Variants in RIPOR2 observed in about 807,000 individuals in gnomAD.
The protein encoded by RIPOR2 is rho family-interacting cell polarization regulator 2.
Under a neutral mutation model 114.5 loss-of-function variants are expected in RIPOR2, and 39 were observed. The ratio of observed to expected loss-of-function variants is 0.34; its 90% CI spans 0.26 to 0.44. The LOEUF (loss-of-function observed/expected upper bound fraction) is 0.44, where lower values mean the gene tolerates loss of function less well. Among genes scored for constraint, RIPOR2 ranks in the 20% least tolerant of loss-of-function variants. The probability of loss-of-function intolerance (pLI) is 1.00; values close to 1 mark genes in which losing one functional copy is unlikely to be tolerated. For missense variants in RIPOR2, 1,007 were observed against 1,255.1 expected (o/e 0.80, Z 2.99); for synonymous variants, 445 against 484.4 (o/e 0.92, Z 1.07).
intron 1 of RIPOR2, among the ~76,000 whole-genome samples, chr6:24,909,845 C>T (rs1037095814): frequency 6.6e-6 from 1 of 152,152 alleles, no homozygotes; most frequent in Admixed American, 6.5e-5. Context: ...CAGGGACCTA[C>T]GAGCCTACCA....
intron 20 of RIPOR2, among the ~76,000 whole-genome samples, chr6:24,810,638 GTATCCT>G (rs1464367425): frequency 6.6e-6 from 1 of 152,086 alleles, no homozygotes; most frequent in Non-Finnish European, 1.5e-5. Flanking sequence ...GCAGATCACT[GTATCCT>G]TATGTCTTTA....
chr6:24,942,855 C>A (rs917828663), intron 1 of RIPOR2, among the ~76,000 whole-genome samples: 11 of 152,128 alleles, frequency 7.2e-5, no homozygotes, highest in African/African-American at 2.7e-4. Context: ...TTCTCCCATT[C>A]TGTAGGTTGC....
At chr6:24,961,832 G>A (rs1235490908) in intron 1 of RIPOR2, among the ~76,000 whole-genome samples, 1 of 152,000 alleles carries the variant, frequency 6.6e-6, no homozygotes, top group Non-Finnish European at 1.5e-5. Flanking sequence ...TTCCCATGTT[G>A]GTCAGGCTGG....
intron 13 of RIPOR2, chr6:24,839,582 A>T: frequency 1.3e-6 from 2 of 1,516,300 alleles, no homozygotes; most frequent in Middle Eastern, 1.7e-4. Flanking sequence ...GGGATCCATT[A>T]GAGGATCTTC....
At position 24,883,381 on chromosome 6, in the gene RIPOR2, A is replaced by C. The variant is rs1008611573; in HGVS notation, c.62-7564T>G. The stretch of plus-strand genomic sequence containing the variant: ...CTGAGACAAGACAATTGACCCATAG[A>C]TCAGTTGGCTGTAGCTGGGGTGACA... On this transcript the variant is annotated intron_variant, in intron 1 of 21. Coordinates refer to ENST00000643898, the MANE Select transcript of RIPOR2 (RefSeq NM_001286445.3). The surrounding 1 kb of genome is among the most constrained non-coding windows in gnomAD (Gnocchi z 4.1). 6.6e-6 allele frequency among the ~76,000 whole-genome samples: 1 copy of C among 152,210 alleles called. No individual in the cohort carries two copies. The highest frequency in any genetic ancestry group is 1.5e-5 in the Non-Finnish European group (1 of 68,034).
At chr6:24,879,013 C>G (rs1766088274) in intron 1 of RIPOR2, among the ~76,000 whole-genome samples, 1 of 138,206 alleles carries the variant, frequency 7.2e-6, no homozygotes, top group South Asian at 2.3e-4. Context: ...TTGTCAAATA[C>G]TTTGGGAGGG....
rs761021047 is a variant in RIPOR2 at position 24,843,110 on chromosome 6, T to C, written c.1609A>G (p.Thr537Ala). The C allele has an allele frequency of 6.2e-7, 1 of 1,614,008 alleles. No homozygotes were observed. The highest frequency in any genetic ancestry group is 8.5e-7 in the Non-Finnish European group (1 of 1,179,886). Reference protein sequence around the residue: ...ASELKPVELDTSEGNITKQLV... With the variant: ...ASELKPVELDASEGNITKQLV... Reference sequence around the variant, plus strand: ...TGCTTTGTGATGTTTCCTTCCGAAGTGTCCAGTTCCACAGGCTTGAGCTCA... The same window carrying C: ...TGCTTTGTGATGTTTCCTTCCGAAGCGTCCAGTTCCACAGGCTTGAGCTCA... The change falls in exon 13 of 22, where the codon ACT becomes GCT. Residue 537 changes from threonine to alanine, a missense_variant. Coordinates refer to ENST00000643898, the MANE Select transcript of RIPOR2 (RefSeq NM_001286445.3).
Position 24,852,592 on chromosome 6 carries a change from G to C in RIPOR2, c.742C>G (p.Pro248Ala). The C allele has an allele frequency of 1.3e-6, 2 of 1,599,554 alleles. No homozygotes were observed. The highest frequency in any genetic ancestry group is 1.7e-6 in the Non-Finnish European group (2 of 1,175,718). ...KGLAGFARLC[P>A]GDQYEIFMKY... ...ATACTTACTTCATATTGATCTCCAG[G>C]ACAGAGGCGTGCAAAGCCAGCCAGA... is the stretch of plus-strand genomic sequence containing the variant. Residue 248 changes from proline to alanine, a missense_variant, in exon 9 of 22, where the codon CCT (proline) becomes GCT (alanine). Physicochemically the swap from Pro to Ala is conservative, Grantham distance 27. Transcript: ENST00000643898.
chr6:24,963,247 G>C (rs1242523700), intron 1 of RIPOR2, among the ~76,000 whole-genome samples: 1 of 152,116 alleles, frequency 6.6e-6, no homozygotes. Context: ...TGGCCAGGCT[G>C]GTTTCAAACT....
intron 1 of RIPOR2, among the ~76,000 whole-genome samples, chr6:24,896,575 C>T (rs1049014157): frequency 6.6e-6 from 1 of 152,150 alleles, no homozygotes; most frequent in African/African-American, 2.4e-5. Flanking sequence ...ATAGAGACTA[C>T]ATAATATCAG....
chr6:25,037,927 C>A lies in RIPOR2; in HGVS notation c.76+3924G>T, dbSNP rs1452521832. 6.6e-6 allele frequency among the ~76,000 whole-genome samples: 1 copy of A among 152,050 alleles called. No homozygotes were observed. The highest frequency in any genetic ancestry group is 6.6e-5 in the Admixed American group (1 of 15,258). ...CGGGTATTAAATAATATGTGGGGAT[C>A]ATTGTTAATTTTATTACGCAGTTAT... On this transcript the variant is annotated intron_variant, in intron 1 of 13. Coordinates refer to the RIPOR2 transcript ENST00000510784. This position sits in a 1 kb window ranked among gnomAD's most constrained non-coding sequence, Gnocchi z 4.5.
At chr6:24,950,351 C>T (rs926419886) in intron 1 of RIPOR2, among the ~76,000 whole-genome samples, 4 of 152,196 alleles carry the variant, frequency 2.6e-5, no homozygotes, top group Non-Finnish European at 5.9e-5. Context: ...TTCTTCCTCC[C>T]TCCCTCCCTC....
intron 1 of RIPOR2, among the ~76,000 whole-genome samples, chr6:24,927,212 C>T (rs1197918760): frequency 1.3e-5 from 2 of 150,864 alleles, no homozygotes; most frequent in Admixed American, 6.6e-5. Context: ...AGCACCACCA[C>T]CACCACTACC....
chr6:24,926,936 C>CTA (rs1770899743), intron 1 of RIPOR2, among the ~76,000 whole-genome samples: 1 of 148,794 alleles, frequency 6.7e-6, no homozygotes, highest in Admixed American at 6.7e-5. Context: ...ACCACCACCA[C>CTA]CATGATTATT....
chr6:24,963,157 G>A (rs896169885), intron 1 of RIPOR2, among the ~76,000 whole-genome samples: 1 of 152,086 alleles, frequency 6.6e-6, no homozygotes, highest in Non-Finnish European at 1.5e-5. Context: ...CCAGCCTCTG[G>A]AGTAGCTGGG....
At chr6:24,836,830 A>T (rs185465830) in intron 14 of RIPOR2, among the ~76,000 whole-genome samples, 102 of 99,056 alleles carry the variant, frequency 1.0e-3, no homozygotes, top group Middle Eastern at 0.014. Flanking sequence ...ACACACACAC[A>T]CTCTCTCTCT....
At chr6:24,830,323 T>G (rs1760564279) in intron 17 of RIPOR2, among the ~76,000 whole-genome samples, 186 bp downstream of exon 17, 1 of 152,188 alleles carries the variant, frequency 6.6e-6, no homozygotes, top group African/African-American at 2.4e-5. Flanking sequence ...AGTTCAACAC[T>G]TTCTTTTCTT....
rs570253811 is a variant in RIPOR2 at position 25,002,174 on chromosome 6, TC to T, written c.76+39676del. On this transcript the variant is annotated intron_variant, in intron 1 of 13. Coordinates refer to the RIPOR2 transcript ENST00000510784. ...TACCAATCATAGTGTGCCAACCTTT[TC>T]CTTAGACTATAGGTATGACTAGAGC... 2.6e-4 allele frequency among the ~76,000 whole-genome samples: 39 copies of T among 152,352 alleles called. No homozygotes were observed. The South Asian group carries it at 7.0e-3, about 28-fold the overall frequency.
intron 21 of RIPOR2, 88 bp downstream of exon 21, chr6:24,809,629 T>C: frequency 1.1e-6 from 1 of 892,638 alleles, no homozygotes; most frequent in Non-Finnish European, 1.8e-6. Flanking sequence ...AAACTTCTCC[T>C]TACTGGAGAA....
Sources: gnomAD v4.1 joint callset for allele counts (sites outside exome capture counted in the v4.1 genomes callset) on GRCh38, gnomAD v4.1.1 for gene constraint, Gnocchi (gnomAD v3.1) non-coding constraint, MANE v1.5 for transcripts, NCBI Gene and HGNC (gene_info 2026-07-23, HGNC 2026-07-21) for gene names.